TRPM5: variants seen among roughly 807,000 people sequenced by gnomAD.
TRPM5 encodes MLSN1 and TRP-related.
A neutral mutation model predicts 124.9 loss-of-function variants in TRPM5; 121 were observed. The observed-to-expected ratio is 0.97, with a 90% CI of 0.84 to 1.13. The LOEUF (loss-of-function observed/expected upper bound fraction) is 1.13. Ranked by LOEUF, TRPM5 falls within the 50% of genes most tolerant of loss-of-function variation. TRPM5 has a pLI of 0.00. For synonymous variants in TRPM5, 781 were observed against 700.5 expected (o/e 1.11, Z -1.81); for missense variants, 1,643 against 1,589.1 (o/e 1.03, Z -0.58).
At chr11:2,438,896 C>G in the TRPM5 span, among the ~76,000 whole-genome samples, 2 of 152,144 alleles carry the variant, frequency 1.3e-5, no homozygotes, top group African/African-American at 4.8e-5. This position sits in a 1 kb window ranked among gnomAD's most constrained non-coding sequence, Gnocchi z 5.9. Context: ...AAGAACAAAG[C>G]CAGAGGCATC....
At chr11:2,423,566 A>G (rs2133538151), upstream of TRPM5, among the ~76,000 whole-genome samples, 2 of 152,248 alleles carry the variant, frequency 1.3e-5, no homozygotes, top group Middle Eastern at 3.4e-3. Context: ...GGCGGTGTGG[A>G]CGAGAGACCA....
At chr11:2,414,135 A>G (rs1850516482) in exon 12 of TRPM5, 1 of 1,606,466 alleles carries the variant, frequency 6.2e-7, no homozygotes. Flanking sequence ...GTCTTGCTCC[A>G]GCAGCGGTTC....
chr11:2,413,449 G>A (rs1268347352), intron 13 of TRPM5, 27 bp downstream of exon 18: 1 of 1,584,360 alleles, frequency 6.3e-7, no homozygotes, highest in Non-Finnish European at 8.6e-7. Context: ...GCCTGTCCTG[G>A]CCGGGCAGCT....
At chr11:2,412,360 C>T (rs1850470202) in intron 15 of TRPM5, 107 bp from the exon 21 acceptor site, 1 of 567,434 alleles carries the variant, frequency 1.8e-6, no homozygotes, top group Non-Finnish European at 2.7e-6. Flanking sequence ...CCATCTATGA[C>T]CAGGGCCGAG....
chr11:2,413,948 T>A, intron 12 of TRPM5, 113 bp downstream of exon 17: 1 of 1,427,350 alleles, frequency 7.0e-7, no homozygotes, highest in Non-Finnish European at 9.5e-7. Context: ...CCCTCTGTGC[T>A]GAGGACGGGA....
intron 18 of TRPM5, among the ~76,000 whole-genome samples, chr11:2,409,235 C>A (rs1589866698): frequency 6.6e-6 from 1 of 152,190 alleles, no homozygotes; most frequent in Non-Finnish European, 1.5e-5. Flanking sequence ...CCTCTGTCCG[C>A]CCTGGCCACC....
chr11:2,438,184 C>A, the TRPM5 span, among the ~76,000 whole-genome samples: 1 of 152,074 alleles, frequency 6.6e-6, no homozygotes, highest in Admixed American at 6.5e-5. The surrounding 1 kb of genome is among the most constrained non-coding windows in gnomAD (Gnocchi z 5.9). Flanking sequence ...AGGAACATAC[C>A]TCAAAATAAT....
At chr11:2,444,011 G>A in the TRPM5 span, among the ~76,000 whole-genome samples, 1 of 152,150 alleles carries the variant, frequency 6.6e-6, no homozygotes, top group Admixed American at 6.5e-5. Flanking sequence ...TTACTAGGGT[G>A]GCGCAAGCGC....
At chr11:2,413,279 G>C in intron 13 of TRPM5, 53 bp from the exon 19 acceptor site, 2 of 1,478,346 alleles carry the variant, frequency 1.4e-6, no homozygotes, top group Non-Finnish European at 1.8e-6. Context: ...AGAGGCGCCT[G>C]CCTGGCTCCA....
rs755605714 is a variant in TRPM5 at position 2,420,299 on chromosome 11, G to A, written c.572C>T (p.Pro191Leu). The change falls in exon 4 of 24, where the codon CCG becomes CTG. Residue 191 changes from proline to leucine, a missense_variant. By Grantham distance (98) the Pro-to-Leu change is moderately conservative. Transcript: ENST00000155858. ...CTCCGTCAGCCCATCGCCCTTCCCC[G>A]GGGGGCCTGGCTCCACCAGGATGAA... 1.2e-5 allele frequency: 20 copies of A among 1,612,334 alleles called. No homozygotes were observed. In the Admixed American group the frequency reaches 1.5e-4, roughly 12 times the overall value.
At chr11:2,418,292 C>A in exon 6 of TRPM5, 3 of 1,574,826 alleles carry the variant, frequency 1.9e-6, no homozygotes, top group Non-Finnish European at 2.6e-6. Flanking sequence ...GCAAGCACAT[C>A]GGCGATGCCC....
intron 12 of TRPM5, 47 bp downstream of exon 17, chr11:2,414,014 C>A: frequency 3.8e-6 from 2 of 533,200 alleles, no homozygotes; most frequent in Non-Finnish European, 3.5e-6. Context: ...AGCTCGCCCG[C>A]CCACCCCACC....
the TRPM5 span, among the ~76,000 whole-genome samples, chr11:2,443,095 G>A: frequency 6.6e-6 from 1 of 152,172 alleles, no homozygotes; most frequent in Non-Finnish European, 1.5e-5. This position sits in a 1 kb window ranked among gnomAD's most constrained non-coding sequence, Gnocchi z 5.0. Flanking sequence ...AGTTGGAAAT[G>A]TTTTCCCGAT....
At chr11:2,404,731 A>G (rs189675010) in exon 24 of TRPM5, 130 of 562,250 alleles carry the variant, frequency 2.3e-4, no homozygotes, top group Non-Finnish European at 1.3e-5. Flanking sequence ...CAGCCCCATG[A>G]CACTGCTGTG....
upstream of TRPM5, among the ~76,000 whole-genome samples, chr11:2,424,892 C>T (rs185982017): frequency 3.9e-3 from 593 of 152,358 alleles, 4 homozygotes; most frequent in African/African-American, 0.013. Flanking sequence ...GACCCACCCA[C>T]GGGCCTCAGC....
intron 13 of TRPM5, 110 bp downstream of exon 18, chr11:2,413,366 G>A: frequency 7.6e-7 from 1 of 1,309,408 alleles, no homozygotes; most frequent in Non-Finnish European, 1.0e-6. Flanking sequence ...TGGACTTGGG[G>A]GCTACAGAGT....
chr11:2,419,614 T>C (rs1462941121), intron 4 of TRPM5, among the ~76,000 whole-genome samples: 1 of 107,854 alleles, frequency 9.3e-6, no homozygotes, highest in Non-Finnish European at 1.8e-5. Context: ...CAGAGTGAGA[T>C]TCTGCCTCAA....
intron 4 of TRPM5, 116 bp from the exon 10 acceptor site, chr11:2,418,707 G>T: frequency 9.3e-7 from 1 of 1,078,544 alleles, no homozygotes; most frequent in Non-Finnish European, 1.3e-6. Context: ...CGAATAAAGT[G>T]TGGGCTTCGT....
At chr11:2,442,561 T>C in the TRPM5 span, among the ~76,000 whole-genome samples, 6 of 152,168 alleles carry the variant, frequency 3.9e-5, no homozygotes, top group African/African-American at 1.2e-4. The surrounding 1 kb of genome is among the most constrained non-coding windows in gnomAD (Gnocchi z 5.9). Flanking sequence ...TAAAAAATGC[T>C]GTTTTGACTA....
Sources: allele counts gnomAD v4.1 joint callset (sites outside exome capture counted in the v4.1 genomes callset), GRCh38; gene constraint gnomAD v4.1.1; non-coding constraint Gnocchi (gnomAD v3.1); transcripts MANE v1.5; gene names NCBI Gene and HGNC (gene_info 2026-07-23, HGNC 2026-07-21).